The following SHANK2 variants were observed in gnomAD, a reference collection of about 807,000 sequenced individuals.
SHANK2 encodes SH3 and multiple ankyrin repeat domains 2.
In SHANK2, 43 loss-of-function variants were observed where a neutral mutation model predicts 133.7. The observed-to-expected ratio is 0.32, with a 90% CI of 0.25 to 0.41. The LOEUF (loss-of-function observed/expected upper bound fraction) is 0.41, where lower values mean the gene tolerates loss of function less well. SHANK2 is among the 10% of genes least tolerant of loss of function. SHANK2 has a pLI of 1.00. For synonymous variants in SHANK2, 1,017 were observed against 952.8 expected (o/e 1.07, Z -1.24); for missense variants, 1,994 against 2,235.8 (o/e 0.89, Z 2.18).
chr11:71,065,639 C>T (rs1951043355), intron 9 of SHANK2, among the ~76,000 whole-genome samples: 3 of 124,452 alleles, frequency 2.4e-5, no homozygotes, highest in Non-Finnish European at 4.8e-5. Flanking sequence ...CAGAACTCTC[C>T]CAGGGAGATG....
At chr11:70,494,022 G>A (rs991507155) in intron 21 of SHANK2, among the ~76,000 whole-genome samples, 5 of 152,218 alleles carry the variant, frequency 3.3e-5, no homozygotes, top group South Asian at 2.1e-4. Flanking sequence ...GCCACGGCAC[G>A]GATCAGGGTT....
chr11:71,096,563 G>T (rs554526186), intron 6 of SHANK2, among the ~76,000 whole-genome samples: 7 of 152,030 alleles, frequency 4.6e-5, no homozygotes, highest in Middle Eastern at 3.4e-3. Flanking sequence ...GCCACCATGG[G>T]AGAGTGGACA....
chr11:70,611,046 C>T (rs762653423), intron 17 of SHANK2, among the ~76,000 whole-genome samples: 9 of 152,190 alleles, frequency 5.9e-5, no homozygotes, highest in Non-Finnish European at 1.0e-4. Flanking sequence ...GAACCTAGAG[C>T]CATAGTGACT....
intron 14 of SHANK2, among the ~76,000 whole-genome samples, chr11:70,716,686 C>A (rs1247675030): frequency 1.3e-5 from 2 of 152,094 alleles, no homozygotes; most frequent in African/African-American, 2.4e-5. Flanking sequence ...CTGCCACTCA[C>A]CAACACGGGG....
intron 20 of SHANK2, among the ~76,000 whole-genome samples, chr11:70,501,334 C>T (rs1278774272): frequency 1.3e-5 from 2 of 152,248 alleles, no homozygotes; most frequent in Admixed American, 6.5e-5. Context: ...GGGAAAGCTG[C>T]CTGTGCCAGA....
chr11:70,789,639 C>T (rs1947745213), intron 14 of SHANK2, among the ~76,000 whole-genome samples: 1 of 152,202 alleles, frequency 6.6e-6, no homozygotes, highest in Non-Finnish European at 1.5e-5. Context: ...CGGCACAGGA[C>T]ATGCCAAAAC....
intron 14 of SHANK2, among the ~76,000 whole-genome samples, chr11:70,753,397 A>G (rs1565292843): frequency 6.6e-6 from 1 of 152,190 alleles, no homozygotes; most frequent in Non-Finnish European, 1.5e-5. Flanking sequence ...ATGTCCACAG[A>G]ATATTCGCCA....
intron 21 of SHANK2, among the ~76,000 whole-genome samples, chr11:70,497,556 C>T (rs1344390299): frequency 3.3e-5 from 5 of 152,182 alleles, no homozygotes; most frequent in Non-Finnish European, 1.5e-5. Flanking sequence ...GTTCTCTCTA[C>T]TAGATACGTG....
intron 3 of SHANK2, among the ~76,000 whole-genome samples, chr11:71,125,580 G>A (rs1952166621): frequency 6.6e-6 from 1 of 152,250 alleles, no homozygotes; most frequent in South Asian, 2.1e-4. Context: ...ACCAGCAGAG[G>A]TTTATTCATG....
intron 14 of SHANK2, among the ~76,000 whole-genome samples, chr11:70,757,365 G>A (rs1946897046): frequency 1.3e-5 from 2 of 152,238 alleles, no homozygotes; most frequent in African/African-American, 4.8e-5. Context: ...GCCTGTGGCT[G>A]CTGCCCTGAG....
chr11:70,487,329 T>G lies in SHANK2; in HGVS notation c.2964A>C (p.Pro988=). 6.2e-7 allele frequency: 1 copy of G among 1,614,074 alleles called. No homozygotes were observed. Among genetic ancestry groups the G allele is most frequent in the Non-Finnish European group, 8.5e-7 (1 of 1,180,008 alleles). The change falls in exon 25 of 26, where the codon CCA becomes CCC. Residue 988 remains proline (P), a synonymous_variant. Coordinates refer to ENST00000601538, the MANE Select transcript of SHANK2 (RefSeq NM_012309.5). The surrounding 1 kb of genome is among the most constrained non-coding windows in gnomAD (Gnocchi z 5.8). The part of the protein sequence containing the change: ...RNKRGQMPEN[P]YSEVGKIASK... ...TGGCGATCTTCCCCACCTCTGAGTATGGGTTTTCTGGCATCTGGCCTCTCT... is the reference window on the plus strand; with the variant it reads ...TGGCGATCTTCCCCACCTCTGAGTAGGGGTTTTCTGGCATCTGGCCTCTCT...
intron 5 of SHANK2, 108 bp downstream of exon 5, chr11:71,113,185 G>T: frequency 1.0e-6 from 1 of 1,000,328 alleles, no homozygotes; most frequent in Non-Finnish European, 1.5e-6. Context: ...GCCATGCCAG[G>T]TACACAGCAG....
intron 14 of SHANK2, among the ~76,000 whole-genome samples, chr11:70,743,106 G>T (rs886931242): frequency 9.9e-5 from 15 of 151,866 alleles, no homozygotes; most frequent in African/African-American, 3.6e-4. Context: ...CCGGTGCTGA[G>T]CGGTGGGGAC....
intron 17 of SHANK2, among the ~76,000 whole-genome samples, chr11:70,603,002 A>G (rs1163492892): frequency 6.6e-6 from 1 of 152,258 alleles, no homozygotes; most frequent in African/African-American, 2.4e-5. Context: ...AGGTCGGCAA[A>G]GAATGCAGGT....
intron 12 of SHANK2, among the ~76,000 whole-genome samples, chr11:70,812,561 A>T (rs140806806): frequency 1.5e-3 from 234 of 152,292 alleles, no homozygotes; most frequent in African/African-American, 5.4e-3. Flanking sequence ...GGTGAACAAG[A>T]TCTCACCTGC....
chr11:71,087,693 A>G (rs1951436957), intron 8 of SHANK2, among the ~76,000 whole-genome samples: 14 of 152,130 alleles, frequency 9.2e-5, no homozygotes, highest in Non-Finnish European at 2.1e-4. Context: ...CAGTGGCGCA[A>G]TATCGGCTCA....
intron 17 of SHANK2, among the ~76,000 whole-genome samples, chr11:70,575,564 G>A (rs1030694840): frequency 2.6e-5 from 4 of 151,480 alleles, no homozygotes; most frequent in Non-Finnish European, 2.9e-5. Context: ...GCCCCAAAGC[G>A]GGGACACAGA....
intron 14 of SHANK2, among the ~76,000 whole-genome samples, chr11:70,791,858 T>A (rs114618006): frequency 2.0e-5 from 3 of 152,214 alleles, no homozygotes; most frequent in African/African-American, 7.2e-5. Flanking sequence ...TGCTCATGTG[T>A]ACAATGCAGG....
At chr11:70,813,641 C>G (rs1440144196) in intron 12 of SHANK2, among the ~76,000 whole-genome samples, 1 of 152,062 alleles carries the variant, frequency 6.6e-6, no homozygotes, top group Admixed American at 6.5e-5. Flanking sequence ...CAGCTCAGGT[C>G]TCTGGCACAG....
Sources: gnomAD v4.1 joint callset for allele counts (sites outside exome capture counted in the v4.1 genomes callset) on GRCh38, gnomAD v4.1.1 for gene constraint, Gnocchi (gnomAD v3.1) non-coding constraint, MANE v1.5 for transcripts, NCBI Gene and HGNC (gene_info 2026-07-23, HGNC 2026-07-21) for gene names.